FGF12: variants seen among roughly 807,000 people sequenced by gnomAD.
FGF12 encodes fibroblast growth factor 12B.
A neutral mutation model predicts 23.6 loss-of-function variants in FGF12; 14 were observed. That is an observed-to-expected ratio of 0.59 (90% CI 0.39 to 0.93). The LOEUF (loss-of-function observed/expected upper bound fraction) is 0.93. Ranked by LOEUF, FGF12 falls within the 40% of genes least tolerant of loss-of-function variation. The pLI is 0.00. For missense variants in FGF12, 175 were observed against 217.8 expected (o/e 0.80, Z 1.24); for synonymous variants, 62 against 77.3 (o/e 0.80, Z 1.04).
In FGF12 at chr3:192,155,203, G is replaced by A. The variant is rs544841494; in HGVS notation, c.428-11076C>T. ...ACGGTGCGCGCACCCACTGACCTGC[G>A]CCCACTGTCTGGCACTCCCTAGTGA... is the stretch of plus-strand genomic sequence containing the variant. On this transcript the variant is annotated intron_variant, in intron 5 of 5. Transcript: ENST00000445105. 9.2e-5 allele frequency among the ~76,000 whole-genome samples: 14 copies of A among 152,070 alleles called. No homozygotes were observed. The South Asian group carries it at 2.1e-3, about 23-fold the overall frequency.
At chr3:192,636,573 G>T (rs1431643504) in intron 2 of FGF12, among the ~76,000 whole-genome samples, 4 of 152,206 alleles carry the variant, frequency 2.6e-5, no homozygotes, top group Non-Finnish European at 5.9e-5. Context: ...TCAAGGATAT[G>T]ACAGTGTCTA....
Position 192,170,599 on chromosome 3 carries a change from T to G in FGF12, c.286A>C (p.Ile96Leu), listed in dbSNP as rs1351853748. 1 of 1,613,160 alleles carries G rather than the reference T, an allele frequency of 6.2e-7. No individual in the cohort carries two copies. Among genetic ancestry groups the G allele is most frequent in the Admixed American group, 1.7e-5 (1 of 59,866 alleles). ...TGGCGGTACAGTGTGGAAGAATAGA[T>G]CACATAGTAGTTTTCAAACACAGAT... ...KESVFENYYV[I>L]YSSTLYRQQE... The change falls in exon 5 of 6, where the codon ATC (isoleucine) becomes CTC (leucine). Residue 96 changes from isoleucine to leucine, a missense_variant. Physicochemically the swap from Ile to Leu is conservative, Grantham distance 5. Coordinates refer to ENST00000445105, the MANE Select transcript of FGF12 (RefSeq NM_004113.6).
At chr3:192,522,204 A>C (rs1348967369) in intron 2 of FGF12, among the ~76,000 whole-genome samples, 14 of 151,774 alleles carry the variant, frequency 9.2e-5, no homozygotes, top group African/African-American at 3.4e-4. Context: ...TCTCAAAAAA[A>C]AAAAAAACAA....
chr3:192,386,130 A>G (rs1720030448), intron 2 of FGF12, among the ~76,000 whole-genome samples: 1 of 152,248 alleles, frequency 6.6e-6, no homozygotes, highest in African/African-American at 2.4e-5. Flanking sequence ...CTAATTAGTG[A>G]CATTGTCTCC....
chr3:192,575,821 C>A (rs1239206065), intron 2 of FGF12, among the ~76,000 whole-genome samples: 1 of 151,842 alleles, frequency 6.6e-6, no homozygotes, highest in East Asian at 1.9e-4. Flanking sequence ...AAGCTTTAAA[C>A]TGATATATGT....
intron 3 of FGF12, among the ~76,000 whole-genome samples, chr3:192,346,555 T>A (rs1358278452): frequency 1.3e-5 from 2 of 152,150 alleles, no homozygotes; most frequent in Non-Finnish European, 2.9e-5. Flanking sequence ...ATGTAAAACC[T>A]TTTATGCTCT....
At position 192,360,435 on chromosome 3, in the gene FGF12, G is replaced by T. The variant is rs199881884; in HGVS notation, c.117C>A (p.Ser39Arg). The change falls in exon 3 of 6, where the codon AGC (serine) becomes AGA (arginine). Residue 39 changes from serine (S) to arginine (R), a missense_variant. Physicochemically the swap from Ser to Arg is moderately radical, Grantham distance 110. Coordinates refer to ENST00000445105, the MANE Select transcript of FGF12 (RefSeq NM_004113.6). The surrounding 1 kb of genome is among the most constrained non-coding windows in gnomAD (Gnocchi z 4.3). ...GAAGCTAATGTTTCTTACTGTAGTC[G>T]CTGTTTTCGTCCTTGGTCCCATCAA... is the stretch of plus-strand genomic sequence containing the variant. ...GTIDGTKDEN[S>R]DYTLFNLIPV... The T allele has an allele frequency of 6.2e-7, 1 of 1,601,982 alleles. No homozygotes were observed. The highest frequency in any genetic ancestry group is 8.6e-7 in the Non-Finnish European group (1 of 1,168,984).
intron 4 of FGF12, among the ~76,000 whole-genome samples, chr3:192,224,624 T>A (rs1372332589): frequency 6.6e-6 from 1 of 152,084 alleles, no homozygotes; most frequent in Non-Finnish European, 1.5e-5. Context: ...GGTCTGCCAT[T>A]GAGTCACTCT....
intron 2 of FGF12, among the ~76,000 whole-genome samples, chr3:192,690,925 T>C (rs147984294): frequency 6.6e-6 from 1 of 152,148 alleles, no homozygotes; most frequent in Non-Finnish European, 1.5e-5. Flanking sequence ...CCAAAAACTG[T>C]TATAAGGGAC....
chr3:192,703,200 G>A (rs1031100120), intron 2 of FGF12, among the ~76,000 whole-genome samples: 1 of 152,040 alleles, frequency 6.6e-6, no homozygotes, highest in African/African-American at 2.4e-5. Flanking sequence ...TTGGGTTCCG[G>A]ACAACCACAA....
intron 2 of FGF12, among the ~76,000 whole-genome samples, chr3:192,464,402 C>G (rs1722948916): frequency 6.6e-6 from 1 of 151,328 alleles, no homozygotes; most frequent in Non-Finnish European, 1.5e-5. Context: ...GTTTTCTATT[C>G]CGGAGTTACC....
intron 4 of FGF12, among the ~76,000 whole-genome samples, chr3:192,278,265 A>G (rs1291776662): frequency 6.6e-6 from 1 of 152,234 alleles, no homozygotes; most frequent in Non-Finnish European, 1.5e-5. Context: ...AGAAATCTGA[A>G]AATAGGTAAC....
intron 2 of FGF12, among the ~76,000 whole-genome samples, chr3:192,602,748 A>T (rs1714167045): frequency 6.6e-6 from 1 of 151,764 alleles, no homozygotes; most frequent in South Asian, 2.1e-4. Flanking sequence ...ACAGAAAAAT[A>T]CAGGTCAATA....
intron 4 of FGF12, among the ~76,000 whole-genome samples, chr3:192,329,029 A>G (rs1436123764): frequency 1.3e-5 from 2 of 152,208 alleles, no homozygotes; most frequent in Non-Finnish European, 2.9e-5. Context: ...TGTTCCGTCT[A>G]TACTTGAAAT....
intron 2 of FGF12, among the ~76,000 whole-genome samples, chr3:192,633,397 G>C (rs1482308078): frequency 6.6e-6 from 1 of 152,000 alleles, no homozygotes; most frequent in African/African-American, 2.4e-5. Context: ...AGCTAATATG[G>C]CTTCATCTTA....
In FGF12 at chr3:192,336,104, G is replaced by A. The variant is rs1717397272; in HGVS notation, c.125-640C>T. Among the ~76,000 whole-genome samples, 1 of 127,314 alleles carries A rather than the reference G, an allele frequency of 7.9e-6. No homozygotes were observed. The highest frequency in any genetic ancestry group is 1.7e-5 in the Non-Finnish European group (1 of 60,106). The allele number at this position is 127,314 out of a possible 152,430, so 83.5% of individuals were successfully genotyped here. On this transcript the variant is annotated intron_variant, in intron 3 of 5. Transcript: ENST00000445105. The surrounding 1 kb of genome is among the most constrained non-coding windows in gnomAD (Gnocchi z 4.3). ...ATGGATATATTTTATATCCAGGTGG[G>A]AAATACACACACACACACACACACA...
chr3:192,321,187 A>G (rs1303109222), intron 4 of FGF12, among the ~76,000 whole-genome samples: 1 of 152,014 alleles, frequency 6.6e-6, no homozygotes, highest in Non-Finnish European at 1.5e-5. Context: ...GCAACTACAC[A>G]CCAATACAAT....
At chr3:192,544,894 T>A (rs1725459251) in intron 2 of FGF12, among the ~76,000 whole-genome samples, 1 of 152,152 alleles carries the variant, frequency 6.6e-6, no homozygotes, top group Non-Finnish European at 1.5e-5. Context: ...AACAGGTCTG[T>A]CTAAGAGCAG....
chr3:192,568,801 T>G (rs1712463065), intron 2 of FGF12, among the ~76,000 whole-genome samples: 1 of 152,058 alleles, frequency 6.6e-6, no homozygotes. Flanking sequence ...GTTATCACTG[T>G]GAGGTAGTGT....
Sources: gnomAD v4.1 joint callset for allele counts (sites outside exome capture counted in the v4.1 genomes callset) on GRCh38, gnomAD v4.1.1 for gene constraint, Gnocchi (gnomAD v3.1) non-coding constraint, MANE v1.5 for transcripts, NCBI Gene and HGNC (gene_info 2026-07-23, HGNC 2026-07-21) for gene names.